Variants in VMP1 observed in about 807,000 individuals in gnomAD.
VMP1 encodes vacuole membrane protein 1.
VMP1 carries 11 observed loss-of-function variants against 56.0 expected under a neutral mutation model. The observed-to-expected ratio is 0.20, with a 90% CI of 0.12 to 0.32. The LOEUF (loss-of-function observed/expected upper bound fraction) is 0.32, where lower values mean the gene tolerates loss of function less well. Among genes scored for constraint, VMP1 ranks in the 10% least tolerant of loss-of-function variants. The probability of loss-of-function intolerance (pLI) is 1.00; values close to 1 mark genes in which losing one functional copy is unlikely to be tolerated. For missense variants in VMP1, 296 were observed against 490.3 expected (o/e 0.60, Z 3.74); for synonymous variants, 149 against 165.0 (o/e 0.90, Z 0.74).
rs1263242563 is a variant in VMP1, at chr17:59,807,953, A to AT, written c.715-837dup. 6.6e-5 allele frequency among the ~76,000 whole-genome samples: 10 copies of AT among 152,264 alleles called. No individual in the cohort carries two copies. In the East Asian group the frequency reaches 1.9e-3, roughly 29 times the overall value. On this transcript the variant is annotated intron_variant, in intron 7 of 11. Transcript: ENST00000262291. ...AAATAAAGCATTTACACATTAGCTC[A>AT]TTTTTTGTCTTATGAACTATTTTCA...
chr17:59,752,085 T>G (rs1242408567), intron 5 of VMP1, among the ~76,000 whole-genome samples: 1 of 152,216 alleles, frequency 6.6e-6, no homozygotes, highest in Non-Finnish European at 1.5e-5. Context: ...AGTGCCGGGA[T>G]TACAGGCATG....
intron 5 of VMP1, among the ~76,000 whole-genome samples, chr17:59,763,193 G>A (rs2036118892): frequency 6.6e-6 from 1 of 151,808 alleles, no homozygotes; most frequent in African/African-American, 2.4e-5. Context: ...AATTGTATGA[G>A]GAGAAATGTT....
At chr17:59,728,625 G>A (rs2034698941) in intron 1 of VMP1, among the ~76,000 whole-genome samples, 1 of 152,030 alleles carries the variant, frequency 6.6e-6, no homozygotes, top group Admixed American at 6.6e-5. Context: ...GATCGCTTCA[G>A]GCCAGGAGTT....
intron 6 of VMP1, 129 bp from the exon 7 acceptor site, chr17:59,773,625 G>A (rs2036516827): frequency 1.9e-5 from 16 of 845,218 alleles, no homozygotes; most frequent in South Asian, 6.4e-5. Flanking sequence ...TGATTATGTA[G>A]CATATGCTTT....
intron 5 of VMP1, among the ~76,000 whole-genome samples, chr17:59,748,898 T>A (rs892444658): frequency 2.0e-5 from 3 of 149,902 alleles, no homozygotes; most frequent in Non-Finnish European, 4.5e-5. Flanking sequence ...TTATTTATTT[T>A]TTTTTTTTGA....
chr17:59,828,496 A>G (rs1052844396), intron 10 of VMP1, among the ~76,000 whole-genome samples: 1 of 152,222 alleles, frequency 6.6e-6, no homozygotes, highest in Admixed American at 6.5e-5. Context: ...CGTACAATGG[A>G]CTAACTTAAG....
intron 5 of VMP1, among the ~76,000 whole-genome samples, chr17:59,756,014 A>G (rs1291917827): frequency 6.6e-6 from 1 of 152,156 alleles, no homozygotes; most frequent in African/African-American, 2.4e-5. Context: ...TAGGATTTCA[A>G]GCATGAGACA....
chr17:59,841,065 G>A lies in VMP1; in HGVS notation c.*1154G>A, dbSNP rs536557799. On this transcript the variant is annotated 3_prime_UTR_variant, in exon 12 of 12. Transcript: ENST00000262291. ...TTGTTCATTTTGTTTTGCTTGGGAG[G>A]AAAATAAACAATTTTACTTTTTTCC... 1 of 172,922 alleles carries A rather than the reference G, an allele frequency of 5.8e-6. No individual in the cohort carries two copies. The highest frequency in any genetic ancestry group is 9.9e-5 in the South Asian group (1 of 10,078). The allele number at this position is 172,922 out of a possible 1,614,324, so 10.7% of individuals were successfully genotyped here.
intron 1 of VMP1, among the ~76,000 whole-genome samples, chr17:59,728,906 C>T (rs1324357406): frequency 6.6e-6 from 1 of 152,014 alleles, no homozygotes; most frequent in African/African-American, 2.4e-5. Flanking sequence ...TTATCATCAC[C>T]CCAGAAAAAA....
At chr17:59,775,839 T>C (rs1317440857) in intron 7 of VMP1, among the ~76,000 whole-genome samples, 2 of 152,212 alleles carry the variant, frequency 1.3e-5, no homozygotes, top group Non-Finnish European at 2.9e-5. Context: ...AATCTGTGTA[T>C]CAGCCTCTAT....
intron 6 of VMP1, among the ~76,000 whole-genome samples, chr17:59,769,381 T>C (rs2036348974): frequency 6.6e-6 from 1 of 152,034 alleles, no homozygotes; most frequent in South Asian, 2.1e-4. Flanking sequence ...TTTTAATTCC[T>C]GCTCTCCAGA....
At chr17:59,762,886 C>A (rs1467168775) in intron 5 of VMP1, among the ~76,000 whole-genome samples, 1 of 152,116 alleles carries the variant, frequency 6.6e-6, no homozygotes, top group African/African-American at 2.4e-5. Context: ...TGTTAGGATA[C>A]ATTTTTTATA....
intron 10 of VMP1, among the ~76,000 whole-genome samples, chr17:59,818,666 A>G (rs563985272): frequency 8.5e-5 from 13 of 152,180 alleles, no homozygotes; most frequent in African/African-American, 3.1e-4. Context: ...GCTACGAGGG[A>G]GGCGGAGGTT....
At chr17:59,795,333 T>G (rs1315113430) in intron 7 of VMP1, among the ~76,000 whole-genome samples, 2 of 151,470 alleles carry the variant, frequency 1.3e-5, no homozygotes, top group Non-Finnish European at 1.5e-5. Context: ...GTCAGGCTGG[T>G]CTCGAACTCC....
chr17:59,716,343 T>G (rs2034151905), intron 1 of VMP1, among the ~76,000 whole-genome samples: 1 of 152,162 alleles, frequency 6.6e-6, no homozygotes, highest in Non-Finnish European at 1.5e-5. Context: ...ACTACGTGAG[T>G]TTCGTAGATA....
At chr17:59,828,068 A>C (rs959808364) in intron 10 of VMP1, among the ~76,000 whole-genome samples, 2 of 151,964 alleles carry the variant, frequency 1.3e-5, no homozygotes, top group Non-Finnish European at 2.9e-5. Flanking sequence ...ATTTTCTATA[A>C]ATGCAATCAG....
At chr17:59,827,645 C>T (rs531761549) in intron 10 of VMP1, among the ~76,000 whole-genome samples, 1 of 152,196 alleles carries the variant, frequency 6.6e-6, no homozygotes, top group African/African-American at 2.4e-5. Context: ...GTCTTCAAAC[C>T]AGTGCAGATC....
intron 7 of VMP1, among the ~76,000 whole-genome samples, chr17:59,793,398 A>G (rs1415550890): frequency 8.6e-6 from 1 of 115,998 alleles, no homozygotes; most frequent in African/African-American, 2.6e-5. Context: ...AGAAAAAGGA[A>G]ATTACTTGTG....
intron 1 of VMP1, among the ~76,000 whole-genome samples, chr17:59,720,749 G>GGGCA (rs1480590440): frequency 3.3e-4 from 48 of 147,138 alleles, no homozygotes; most frequent in African/African-American, 1.1e-3. Context: ...CGAGGCAGGT[G>GGGCA]GATCACCTGA....
Sources: allele counts gnomAD v4.1 joint callset (sites outside exome capture counted in the v4.1 genomes callset), GRCh38; gene constraint gnomAD v4.1.1; transcripts MANE v1.5; gene names NCBI Gene and HGNC (gene_info 2026-07-23, HGNC 2026-07-21).